Variants in EFCAB13 observed in about 807,000 individuals in gnomAD.
The protein encoded by EFCAB13 is EF-hand calcium-binding domain-containing protein 13.
EFCAB13 carries 91 observed loss-of-function variants against 110.2 expected under a neutral mutation model. The ratio of observed to expected loss-of-function variants is 0.83; its 90% CI spans 0.70 to 0.98. The LOEUF (loss-of-function observed/expected upper bound fraction) is 0.98. Ranked by LOEUF, EFCAB13 falls within the 50% of genes least tolerant of loss-of-function variation. The probability of loss-of-function intolerance (pLI) is 0.00; values close to 1 mark genes in which losing one functional copy is unlikely to be tolerated. For missense variants in EFCAB13, 968 were observed against 1,119.4 expected, an observed-to-expected ratio of 0.86 and a Z score of 1.93; for synonymous variants, 323 against 369.9, an observed-to-expected ratio of 0.87 and a Z score of 1.45.
intron 4 of EFCAB13, among the ~76,000 whole-genome samples, chr17:47,331,122 G>GT (rs1322937670): frequency 6.6e-6 from 1 of 151,880 alleles, no homozygotes; most frequent in Non-Finnish European, 1.5e-5. Context: ...GGGAGTACTT[G>GT]TTTTTTTGCT....
intron 13 of EFCAB13, 135 bp from the exon 14 acceptor site, chr17:47,379,047 G>T: frequency 1.6e-6 from 1 of 633,744 alleles, no homozygotes; most frequent in Non-Finnish European, 2.8e-6. Flanking sequence ...AGAATTATGA[G>T]ACATGATATG....
At position 47,429,815 on chromosome 17, in the gene EFCAB13, C is replaced by T; in HGVS notation, c.2495-3C>T. Reference sequence around the variant, plus strand: ...AACATTTGCTTTTGCTCTCCTTTTGCAGCTACACAGATACTCTTAGCTACT... The same window carrying T: ...AACATTTGCTTTTGCTCTCCTTTTGTAGCTACACAGATACTCTTAGCTACT... On this transcript the variant is annotated splice_region_variant and splice_polypyrimidine_tract_variant and intron_variant, in intron 23 of 24. Coordinates refer to ENST00000331493, the MANE Select transcript of EFCAB13 (RefSeq NM_152347.5). The T allele has an allele frequency of 6.3e-7, 1 of 1,585,592 alleles. No homozygotes were observed. The highest frequency in any genetic ancestry group is 8.6e-7 in the Non-Finnish European group (1 of 1,161,750).
intron 24 of EFCAB13, among the ~76,000 whole-genome samples, chr17:47,432,605 T>G (rs1168680932): frequency 6.6e-6 from 1 of 151,962 alleles, no homozygotes; most frequent in Non-Finnish European, 1.5e-5. Flanking sequence ...AACAGATAAA[T>G]CATCCAAATT....
Position 47,335,217 on chromosome 17 carries a change from T to TTAG in EFCAB13, c.53_55dup (p.Leu18_Asp19insVal). On this transcript the variant is annotated inframe_insertion, in exon 5 of 25. Coordinates refer to ENST00000331493, the MANE Select transcript of EFCAB13 (RefSeq NM_152347.5). ...CCAGGCAGAGGAAAATATTGACTTATTAGATGATGGCTCTAATTCTTTTGC... is the reference window on the plus strand; with the variant it reads ...CCAGGCAGAGGAAAATATTGACTTATTAGTAGATGATGGCTCTAATTCTTTTGC... The TTAG allele has an allele frequency of 6.2e-7, 1 of 1,606,398 alleles. No homozygotes were observed. The highest frequency in any genetic ancestry group is 1.1e-5 in the South Asian group (1 of 88,594).
chr17:47,374,502 T>C lies in EFCAB13; in HGVS notation c.908T>C (p.Ile303Thr). 1 of 1,539,830 alleles carries C rather than the reference T, an allele frequency of 6.5e-7. No individual in the cohort carries two copies. Among genetic ancestry groups the C allele is most frequent in the Non-Finnish European group, 8.7e-7 (1 of 1,148,700 alleles). Residue 303 changes from isoleucine (I) to threonine (T), a missense_variant, in exon 12 of 25, where the codon ATT becomes ACT. Coordinates refer to ENST00000331493, the MANE Select transcript of EFCAB13 (RefSeq NM_152347.5). ...ACAGAAGGATCACCTTTGAATGAAATTACTTCAGACAGAAAGTTATCAAGT... is the reference window on the plus strand; with the variant it reads ...ACAGAAGGATCACCTTTGAATGAAACTACTTCAGACAGAAAGTTATCAAGT... ...SITEGSPLNE[I>T]TSDRKLSSVA...
intron 5 of EFCAB13, among the ~76,000 whole-genome samples, chr17:47,338,726 A>C (rs1244836175): frequency 6.6e-6 from 1 of 152,070 alleles, no homozygotes; most frequent in Non-Finnish European, 1.5e-5. Context: ...AAATAGTTGA[A>C]AGTCCTTGCT....
intron 23 of EFCAB13, among the ~76,000 whole-genome samples, chr17:47,421,000 C>T (rs1904677022): frequency 7.3e-6 from 1 of 137,072 alleles, no homozygotes; most frequent in African/African-American, 2.8e-5. Context: ...AGGGGGTCAG[C>T]CCCCCGTCCG....
chr17:47,403,406 G>T (rs1487199322), intron 18 of EFCAB13, among the ~76,000 whole-genome samples: 1 of 152,076 alleles, frequency 6.6e-6, no homozygotes, highest in Non-Finnish European at 1.5e-5. Context: ...TTTGAATGCT[G>T]GTCTGACTTA....
Position 47,374,523 on chromosome 17 carries a change from C to G in EFCAB13, c.929C>G (p.Ser310Ter), listed in dbSNP as rs1289744407. 1 of 1,561,204 alleles carries G rather than the reference C, an allele frequency of 6.4e-7. No individual in the cohort carries two copies. The highest frequency in any genetic ancestry group is 1.2e-5 in the South Asian group (1 of 81,434). ...GAAATTACTTCAGACAGAAAGTTAT[C>G]AAGTGTAGCAGGATGCTATCTAAAA... ...LNEITSDRKLSSVAGCYLKYK... is the reference protein window; with the variant it reads ...LNEITSDRKL Residue 310 changes from serine to a stop codon, truncating the protein, a stop_gained, in exon 12 of 25, where the codon TCA (serine) becomes TGA (stop). Transcript: ENST00000331493. LOFTEE classifies it high-confidence loss of function.
intron 10 of EFCAB13, among the ~76,000 whole-genome samples, chr17:47,368,923 A>T (rs1203557569): frequency 1.3e-5 from 2 of 152,180 alleles, no homozygotes; most frequent in Non-Finnish European, 2.9e-5. Flanking sequence ...TATAGATGAA[A>T]ATGGCTATCA....
At chr17:47,329,280 A>G (rs1229657243) in intron 4 of EFCAB13, among the ~76,000 whole-genome samples, 1 of 152,100 alleles carries the variant, frequency 6.6e-6, no homozygotes, top group African/African-American at 2.4e-5. Context: ...GCCATTTTCC[A>G]GAACACAAAA....
intron 10 of EFCAB13, among the ~76,000 whole-genome samples, chr17:47,366,822 G>A (rs922211106): frequency 6.6e-6 from 1 of 152,186 alleles, no homozygotes; most frequent in Admixed American, 6.5e-5. Context: ...ATAAATTTGA[G>A]CAAGAGCTAA....
intron 11 of EFCAB13, among the ~76,000 whole-genome samples, chr17:47,372,886 T>C (rs2065592776): frequency 6.6e-6 from 1 of 152,190 alleles, no homozygotes; most frequent in Non-Finnish European, 1.5e-5. Context: ...GATTATAATA[T>C]GTCTTGGTGT....
At chr17:47,415,050 T>A (rs974741703) in intron 23 of EFCAB13, 131 bp downstream of exon 23, 2 of 579,940 alleles carry the variant, frequency 3.4e-6, no homozygotes, top group Non-Finnish European at 5.9e-6. Flanking sequence ...TGGAATACTA[T>A]GCAGCCATAA....
In EFCAB13 at chr17:47,427,005, T is replaced by G. The variant is rs1435695211; in HGVS notation, c.2495-2813T>G. Among the ~76,000 whole-genome samples, 3 of 152,232 alleles carry G rather than the reference T, an allele frequency of 2.0e-5. No homozygotes were observed. In the East Asian group the frequency reaches 5.8e-4, roughly 29 times the overall value. On this transcript the variant is annotated intron_variant, in intron 23 of 24. Coordinates refer to ENST00000331493, the MANE Select transcript of EFCAB13 (RefSeq NM_152347.5). ...TATAGAAATTACTGGCCCTGGAAAA[T>G]TAGATAGATTCTCTTATTCTCAGTT...
At chr17:47,400,861 AT>A (rs1224446800) in intron 17 of EFCAB13, among the ~76,000 whole-genome samples, 2 of 152,332 alleles carry the variant, frequency 1.3e-5, no homozygotes, top group East Asian at 1.9e-4. Flanking sequence ...AAGACACTTA[AT>A]TAAGAGCGTC....
At chr17:47,324,551 A>G (rs1344084063) in intron 2 of EFCAB13, 28 bp downstream of exon 2, 2 of 152,140 alleles carry the variant, frequency 1.3e-5, no homozygotes, top group Non-Finnish European at 2.9e-5. Context: ...TTGTTACACA[A>G]ATATGAAAAC....
chr17:47,404,752 T>G, intron 20 of EFCAB13, 119 bp downstream of exon 20: 1 of 572,644 alleles, frequency 1.7e-6, no homozygotes, highest in Non-Finnish European at 2.9e-6. Flanking sequence ...GCCAAATGTT[T>G]GCTTCATGTG....
chr17:47,351,304 T>TGTGTGTGTGTGTGC (rs1280645583), intron 9 of EFCAB13, among the ~76,000 whole-genome samples: 6 of 122,980 alleles, frequency 4.9e-5, no homozygotes, highest in African/African-American at 1.6e-4. Context: ...TGTGTGTGTG[T>TGTGTGTGTGTGTGC]GCGCGCGCGC....
Sources: gnomAD v4.1 joint callset for allele counts (sites outside exome capture counted in the v4.1 genomes callset) on GRCh38, gnomAD v4.1.1 for gene constraint, MANE v1.5 for transcripts, NCBI Gene and HGNC (gene_info 2026-07-23, HGNC 2026-07-21) for gene names.